The following SCAI variants were observed in gnomAD, a reference collection of about 807,000 sequenced individuals.
SCAI encodes suppressor of cancer cell invasion, also known as protein SCAI.
SCAI carries 24 observed loss-of-function variants against 92.2 expected under a neutral mutation model. That is an observed-to-expected ratio of 0.26 (90% CI 0.19 to 0.37). SCAI has a LOEUF of 0.37. Ranked by LOEUF, SCAI falls within the 10% of genes least tolerant of loss-of-function variation. The pLI is 1.00. For synonymous variants in SCAI, 261 were observed against 258.6 expected (o/e 1.01, Z -0.09); for missense variants, 450 against 736.2 (o/e 0.61, Z 4.50).
chr9:124,977,263 A>G (rs1831779638), intron 14 of SCAI, among the ~76,000 whole-genome samples: 1 of 152,288 alleles, frequency 6.6e-6, no homozygotes, highest in Admixed American at 6.5e-5. Flanking sequence ...ATAACCACAG[A>G]CTTTTTTTCC....
chr9:125,020,595 C>T, intron 7 of SCAI, 78 bp downstream of exon 7: 1 of 639,894 alleles, frequency 1.6e-6, no homozygotes, highest in South Asian at 2.2e-5. Context: ...TTATTTTAAC[C>T]TAAAATCTGT....
chr9:124,979,105 C>T (rs1831823546), intron 14 of SCAI, among the ~76,000 whole-genome samples: 1 of 151,906 alleles, frequency 6.6e-6, no homozygotes, highest in African/African-American at 2.4e-5. Context: ...AAGTGATCTG[C>T]CTGCCTCAGC....
chr9:125,086,531 C>T (rs1306830251), intron 2 of SCAI, among the ~76,000 whole-genome samples: 2 of 152,168 alleles, frequency 1.3e-5, no homozygotes, highest in African/African-American at 4.8e-5. Context: ...AGACTATAAT[C>T]GGATTGGCCT....
chr9:125,098,320 G>T (rs1184731763), intron 2 of SCAI, among the ~76,000 whole-genome samples: 3 of 152,062 alleles, frequency 2.0e-5, no homozygotes, highest in African/African-American at 7.2e-5. Flanking sequence ...GCTTCCCAAA[G>T]TGCTGGGATT....
At chr9:125,107,345 G>A (rs1393698707) in intron 2 of SCAI, among the ~76,000 whole-genome samples, 1 of 151,086 alleles carries the variant, frequency 6.6e-6, no homozygotes, top group East Asian at 1.9e-4. Flanking sequence ...GGAGGCGGAG[G>A]TTGCAGTGAG....
intron 2 of SCAI, among the ~76,000 whole-genome samples, chr9:125,108,569 T>A (rs1200529873): frequency 1.4e-5 from 2 of 139,348 alleles, no homozygotes; most frequent in African/African-American, 2.7e-5. Context: ...CCGCCCCGTC[T>A]GAGAAGTGAG....
chr9:124,969,218 T>C (rs1337626592), intron 17 of SCAI, among the ~76,000 whole-genome samples: 2 of 152,196 alleles, frequency 1.3e-5, no homozygotes, highest in African/African-American at 4.8e-5. Flanking sequence ...GTGCTGAGAT[T>C]ACAGGTGTGA....
chr9:125,052,871 C>T (rs1471665061), intron 3 of SCAI, among the ~76,000 whole-genome samples: 1 of 110,748 alleles, frequency 9.0e-6, no homozygotes, highest in Non-Finnish European at 2.1e-5. Context: ...ATCAAAACCA[C>T]CAAGAGACAC....
In SCAI at chr9:125,080,345, T is replaced by C. The variant is rs563668340; in HGVS notation, c.99-24338A>G. On this transcript the variant is annotated intron_variant, in intron 2 of 17. Coordinates refer to ENST00000336505, the MANE Select transcript of SCAI (RefSeq NM_001144877.3). ...GACCCTCATAGTATGCATCCTAAGATAAAAACACAAATATTGTGAAATAGG... is the reference window on the plus strand; with the variant it reads ...GACCCTCATAGTATGCATCCTAAGACAAAAACACAAATATTGTGAAATAGG... Among the ~76,000 whole-genome samples, 6 of 152,286 alleles carry C rather than the reference T, an allele frequency of 3.9e-5. No individual in the cohort carries two copies. The South Asian group carries it at 1.2e-3, about 32-fold the overall frequency.
chr9:125,088,135 A>G (rs1834360675), intron 2 of SCAI, among the ~76,000 whole-genome samples: 1 of 152,076 alleles, frequency 6.6e-6, no homozygotes, highest in African/African-American at 2.4e-5. Context: ...TCTCACTGTC[A>G]CCCAGGCTGG....
intron 17 of SCAI, among the ~76,000 whole-genome samples, chr9:124,969,538 C>T (rs1278831489): frequency 6.6e-6 from 1 of 152,170 alleles, no homozygotes; most frequent in Non-Finnish European, 1.5e-5. Flanking sequence ...TGAGAAGTTG[C>T]TCAACCTTAA....
intron 17 of SCAI, among the ~76,000 whole-genome samples, chr9:124,954,434 C>G (rs538492713): frequency 2.6e-5 from 4 of 152,156 alleles, no homozygotes; most frequent in Admixed American, 6.5e-5. Context: ...TACTTCTATG[C>G]TCAATAGTTA....
intron 2 of SCAI, among the ~76,000 whole-genome samples, chr9:125,100,466 C>G (rs768812560): frequency 1.1e-4 from 17 of 152,172 alleles, no homozygotes; most frequent in Non-Finnish European, 2.1e-4. Flanking sequence ...CGAGTGCCAG[C>G]ACCAGGACTC....
chr9:125,010,733 A>G (rs1390424275), intron 9 of SCAI, among the ~76,000 whole-genome samples: 4 of 152,208 alleles, frequency 2.6e-5, no homozygotes, highest in African/African-American at 9.6e-5. Context: ...TGCCTCCTCA[A>G]GTGGGTCCCT....
At chr9:125,078,415 C>G (rs1457288203) in intron 2 of SCAI, among the ~76,000 whole-genome samples, 1 of 152,054 alleles carries the variant, frequency 6.6e-6, no homozygotes, top group Non-Finnish European at 1.5e-5. Flanking sequence ...GTAATCCCAG[C>G]TACTCGGGAG....
At chr9:125,124,229 C>A (rs1057273683) in intron 2 of SCAI, among the ~76,000 whole-genome samples, 2 of 151,908 alleles carry the variant, frequency 1.3e-5, no homozygotes. Flanking sequence ...TCAGGGCTCT[C>A]CAGAGAAACA....
At chr9:125,036,177 T>C (rs181261028) in intron 3 of SCAI, among the ~76,000 whole-genome samples, 1 of 152,120 alleles carries the variant, frequency 6.6e-6, no homozygotes, top group Admixed American at 6.6e-5. Context: ...ATAAAATGAA[T>C]AATGGGAAAA....
At chr9:125,026,141 C>T (rs1300778250) in intron 6 of SCAI, among the ~76,000 whole-genome samples, 7 of 152,104 alleles carry the variant, frequency 4.6e-5, no homozygotes, top group Non-Finnish European at 8.8e-5. Context: ...GAGGCCAAGG[C>T]GGGTGGATCA....
chr9:125,111,585 C>G (rs1243243879), intron 2 of SCAI, among the ~76,000 whole-genome samples: 2 of 150,864 alleles, frequency 1.3e-5, no homozygotes, highest in African/African-American at 4.9e-5. Flanking sequence ...AGTCCATCAG[C>G]TATCATTAGT....
Sources: allele counts gnomAD v4.1 joint callset (sites outside exome capture counted in the v4.1 genomes callset), GRCh38; gene constraint gnomAD v4.1.1; transcripts MANE v1.5; gene names NCBI Gene and HGNC (gene_info 2026-07-23, HGNC 2026-07-21).